Variants in CTNND2 observed in about 807,000 individuals in gnomAD.
CTNND2 encodes catenin delta 2.
A neutral mutation model predicts 144.4 loss-of-function variants in CTNND2; 22 were observed. The ratio of observed to expected loss-of-function variants is 0.15; its 90% CI spans 0.11 to 0.22. The LOEUF (loss-of-function observed/expected upper bound fraction) is 0.22, where lower values mean the gene tolerates loss of function less well. Among genes scored for constraint, CTNND2 ranks in the 10% least tolerant of loss-of-function variants. The probability of loss-of-function intolerance (pLI) is 1.00; values close to 1 mark genes in which losing one functional copy is unlikely to be tolerated. For synonymous variants in CTNND2, 751 were observed against 695.6 expected (o/e 1.08, Z -1.25); for missense variants, 1,353 against 1,618.8 (o/e 0.84, Z 2.82).
At chr5:11,306,404 A>G (rs566477697) in intron 9 of CTNND2, among the ~76,000 whole-genome samples, 2 of 152,334 alleles carry the variant, frequency 1.3e-5, no homozygotes, top group South Asian at 4.2e-4. Flanking sequence ...AGCTGCTTCC[A>G]TCAAGGCTGT....
intron 2 of CTNND2, among the ~76,000 whole-genome samples, chr5:11,577,102 A>G (rs1332873272): frequency 6.6e-6 from 1 of 152,202 alleles, no homozygotes; most frequent in East Asian, 1.9e-4. Flanking sequence ...CAAAAGTTCC[A>G]ATTATTTTTG....
intron 10 of CTNND2, among the ~76,000 whole-genome samples, chr5:11,222,670 G>A (rs1370547659): frequency 2.0e-5 from 3 of 152,108 alleles, no homozygotes; most frequent in Non-Finnish European, 4.4e-5. Flanking sequence ...GTATGGCATG[G>A]TGGCCATTGT....
chr5:11,524,305 C>T (rs1349558139), intron 3 of CTNND2, among the ~76,000 whole-genome samples: 5 of 152,326 alleles, frequency 3.3e-5, no homozygotes, highest in South Asian at 2.1e-4. Flanking sequence ...TGACTTATGA[C>T]GCCCTGACTC....
chr5:11,411,121 C>A (rs1761495016), intron 5 of CTNND2, among the ~76,000 whole-genome samples: 1 of 152,080 alleles, frequency 6.6e-6, no homozygotes, highest in Non-Finnish European at 1.5e-5. Context: ...ATCTGCCCAT[C>A]TCGGTCTCCC....
chr5:11,634,662 T>A (rs775532326), intron 2 of CTNND2, among the ~76,000 whole-genome samples: 4 of 152,012 alleles, frequency 2.6e-5, no homozygotes, highest in African/African-American at 9.7e-5. Context: ...AAATATAAGA[T>A]GAAATGGCCC....
At chr5:11,295,564 G>A (rs1474421038) in intron 9 of CTNND2, among the ~76,000 whole-genome samples, 3 of 152,020 alleles carry the variant, frequency 2.0e-5, no homozygotes, top group Admixed American at 6.6e-5. Context: ...GAGGCATCAC[G>A]CTACCTGACT....
At chr5:11,642,386 T>G (rs1030491339) in intron 2 of CTNND2, among the ~76,000 whole-genome samples, 17 of 151,960 alleles carry the variant, frequency 1.1e-4, no homozygotes, top group African/African-American at 3.9e-4. Flanking sequence ...AACAAGGGGG[T>G]TGCAATTTGA....
At chr5:11,596,487 G>A (rs764977487) in intron 2 of CTNND2, among the ~76,000 whole-genome samples, 17 of 152,104 alleles carry the variant, frequency 1.1e-4, no homozygotes, top group Non-Finnish European at 1.8e-4. Context: ...CAATGTGCTT[G>A]GCTAAGGCAC....
intron 3 of CTNND2, among the ~76,000 whole-genome samples, chr5:11,538,991 T>G (rs1774475841): frequency 6.6e-6 from 1 of 152,182 alleles, no homozygotes; most frequent in Non-Finnish European, 1.5e-5. Context: ...TTTAAAAATC[T>G]CTAAGTTATT....
In CTNND2 at chr5:11,373,605, T is replaced by G. The variant is rs968130151; in HGVS notation, c.1178-8715A>C. The stretch of plus-strand genomic sequence containing the variant: ...TGTGGCTGCATTCCAGACCAGGACC[T>G]CAGGGGAGGGGCCCAGGGAATGGAA... On this transcript the variant is annotated intron_variant, in intron 7 of 21. Transcript: ENST00000304623. Among the ~76,000 whole-genome samples the G allele has an allele frequency of 2.0e-4, 30 of 152,206 alleles. 2 individuals carry two copies. The South Asian group carries it at 5.4e-3, about 27-fold the overall frequency.
At chr5:11,667,337 G>T (rs2126588648) in intron 2 of CTNND2, among the ~76,000 whole-genome samples, 1 of 152,260 alleles carries the variant, frequency 6.6e-6, no homozygotes, top group East Asian at 1.9e-4. Flanking sequence ...TTGAGGAATT[G>T]CCACACTGTC....
Position 11,499,327 on chromosome 5 carries a change from G to T in CTNND2, c.287+65617C>A, listed in dbSNP as rs149246252. 1.6e-3 allele frequency among the ~76,000 whole-genome samples: 250 copies of T among 152,200 alleles called. 1 individual carries two copies. Among genetic ancestry groups the T allele is most frequent in the South Asian group, 6.2e-3 (30 of 4,822 alleles). The stretch of plus-strand genomic sequence containing the variant: ...ATTCTAGATGAGGATCACTTTTCCT[G>T]CCCTGTCCATCTAATTCTGCATTGC... On this transcript the variant is annotated intron_variant, in intron 3 of 21. Transcript: ENST00000304623.
intron 16 of CTNND2, among the ~76,000 whole-genome samples, chr5:11,038,223 ATACTGGTCCATGGCCTGTTAG>A (rs1272186954): frequency 6.6e-6 from 1 of 152,150 alleles, no homozygotes; most frequent in Non-Finnish European, 1.5e-5. Flanking sequence ...CCATGGAACA[ATACTGGTCCATGGCCTGTTAG>A]GAACCAGGCC....
intron 9 of CTNND2, among the ~76,000 whole-genome samples, chr5:11,312,580 CAT>C (rs1013797355): frequency 6.8e-6 from 1 of 147,702 alleles, no homozygotes; most frequent in Non-Finnish European, 1.5e-5. Flanking sequence ...CCTCTCACAA[CAT>C]GTGGGAATTC....
intron 3 of CTNND2, among the ~76,000 whole-genome samples, chr5:11,550,138 T>A (rs1775633408): frequency 6.6e-6 from 1 of 152,180 alleles, no homozygotes; most frequent in South Asian, 2.1e-4. Context: ...TTATAACAGA[T>A]TTCTGAGGTA....
rs944713436 is a variant in CTNND2, at chr5:11,348,760, G to C, written c.1373-2133C>G. Among the ~76,000 whole-genome samples, 5 of 151,830 alleles carry C rather than the reference G, an allele frequency of 3.3e-5. No homozygotes were observed. In the East Asian group the frequency reaches 9.7e-4, roughly 30 times the overall value. On this transcript the variant is annotated intron_variant, in intron 8 of 21. Coordinates refer to ENST00000304623, the MANE Select transcript of CTNND2 (RefSeq NM_001332.4). The stretch of plus-strand genomic sequence containing the variant: ...CATGAATTAAAAGAAAATATAACAA[G>C]AAAGAGTTTAAGAAAAACTCTGCCA...
At chr5:11,782,549 T>C (rs1048894554) in intron 1 of CTNND2, among the ~76,000 whole-genome samples, 3 of 152,204 alleles carry the variant, frequency 2.0e-5, no homozygotes, top group Non-Finnish European at 4.4e-5. Flanking sequence ...CCTTCATAAA[T>C]GTATGTTTCT....
chr5:10,973,783 A>G lies in CTNND2; in HGVS notation c.3418-70T>C. 1 of 1,496,212 alleles carries G rather than the reference A, an allele frequency of 6.7e-7. No homozygotes were observed. The highest frequency in any genetic ancestry group is 8.9e-7 in the Non-Finnish European group (1 of 1,119,910). The allele number at this position is 1,496,212 out of a possible 1,614,324, so 92.7% of individuals were successfully genotyped here. ...GACTCAGCCTGCCTCTTGCCCCGGC[A>G]CCCAACTCTCCTTCAAAGAATAGGC... On this transcript the variant is annotated intron_variant, in intron 21 of 21. Transcript: ENST00000304623. The surrounding 1 kb of genome is among the most constrained non-coding windows in gnomAD (Gnocchi z 5.6).
At chr5:11,609,331 A>AT (rs1222822161) in intron 2 of CTNND2, among the ~76,000 whole-genome samples, 1 of 151,814 alleles carries the variant, frequency 6.6e-6, no homozygotes, top group Admixed American at 6.6e-5. Context: ...TGTTTTATTT[A>AT]TTTTTTCTTT....
Sources: gnomAD v4.1 joint callset for allele counts (sites outside exome capture counted in the v4.1 genomes callset) on GRCh38, gnomAD v4.1.1 for gene constraint, Gnocchi (gnomAD v3.1) non-coding constraint, MANE v1.5 for transcripts, NCBI Gene and HGNC (gene_info 2026-07-23, HGNC 2026-07-21) for gene names.